SLC24A4: variants seen among roughly 807,000 people sequenced by gnomAD.
SLC24A4 encodes the protein sodium/potassium/calcium exchanger 4.
Under a neutral mutation model 79.0 loss-of-function variants are expected in SLC24A4, and 53 were observed. The ratio of observed to expected loss-of-function variants is 0.67; its 90% CI spans 0.54 to 0.84. The LOEUF (loss-of-function observed/expected upper bound fraction) is 0.84, where lower values mean the gene tolerates loss of function less well. SLC24A4 is among the 40% of genes least tolerant of loss of function. The probability of loss-of-function intolerance (pLI) is 0.00; values close to 1 mark genes in which losing one functional copy is unlikely to be tolerated. For synonymous variants in SLC24A4, 323 were observed against 323.8 expected, an observed-to-expected ratio of 1.00 and a Z score of 0.03; for missense variants, 731 against 822.0, an observed-to-expected ratio of 0.89 and a Z score of 1.35.
At chr14:92,418,316 C>T (rs1423307828) in intron 2 of SLC24A4, among the ~76,000 whole-genome samples, 4 of 152,168 alleles carry the variant, frequency 2.6e-5, no homozygotes, top group African/African-American at 9.7e-5. Flanking sequence ...TCTACGTGCT[C>T]GTCCTGCTGC....
chr14:92,444,607 C>T (rs1016389048), intron 7 of SLC24A4, among the ~76,000 whole-genome samples: 2 of 152,198 alleles, frequency 1.3e-5, no homozygotes, highest in African/African-American at 4.8e-5. Context: ...GTAATCCTAG[C>T]ACTTTGGAAG....
rs751422544 is a variant in SLC24A4 at position 92,353,183 on chromosome 14, C to G, written c.241+27205C>G. On this transcript the variant is annotated intron_variant, in intron 2 of 16. Transcript: ENST00000532405. This position sits in a 1 kb window ranked among gnomAD's most constrained non-coding sequence, Gnocchi z 4.1. Reference sequence around the variant, plus strand: ...TATGTGATGGCTCAAATATTTCAAGCTGTCATCAGGAGCATGACATACTCT... The same window carrying G: ...TATGTGATGGCTCAAATATTTCAAGGTGTCATCAGGAGCATGACATACTCT... 6.6e-6 allele frequency among the ~76,000 whole-genome samples: 1 copy of G among 152,204 alleles called. No homozygotes were observed. The highest frequency in any genetic ancestry group is 6.5e-5 in the Admixed American group (1 of 15,280).
chr14:92,493,017 C>CACACACAG lies in SLC24A4; in HGVS notation c.1717-458_1717-457insCACACAGA, dbSNP rs1347742588. 95 of 281,404 alleles carry CACACACAG rather than the reference C, an allele frequency of 3.4e-4. 2 individuals are homozygous for CACACACAG. Among genetic ancestry groups the CACACACAG allele is most frequent in the Non-Finnish European group, 4.4e-4 (64 of 143,918 alleles). 17.4% of individuals were successfully genotyped at this position (281,404 alleles called of 1,614,324 possible). The stretch of plus-strand genomic sequence containing the variant: ...ACACACACACACACACACACACACA[C>CACACACAG]AGAGAAAGATTTGCCCAGCCAGGGG... On this transcript the variant is annotated intron_variant, in intron 16 of 16. Coordinates refer to ENST00000532405, the MANE Select transcript of SLC24A4 (RefSeq NM_153646.4).
Position 92,443,416 on chromosome 14 carries a change from G to T in SLC24A4, c.599G>T (p.Trp200Leu). 6.2e-7 allele frequency: 1 copy of T among 1,614,124 alleles called. No individual in the cohort carries two copies. Among genetic ancestry groups the T allele is most frequent in the Non-Finnish European group, 8.5e-7 (1 of 1,180,006 alleles). ...LFAGQVVRLTWWAVCRDSVYY... is the reference protein window; with the variant it reads ...LFAGQVVRLTLWAVCRDSVYY... ...TGCTGGCAGGTGGTCCGTCTGACGT[G>T]GTGGGCCGTGTGCCGAGACTCCGTG... Residue 200 changes from tryptophan to leucine, a missense_variant, in exon 7 of 17, where the codon TGG (tryptophan) becomes TTG (leucine). Transcript: ENST00000532405.
At chr14:92,455,749 T>C (rs1255183897) in intron 11 of SLC24A4, among the ~76,000 whole-genome samples, 1 of 152,136 alleles carries the variant, frequency 6.6e-6, no homozygotes, top group Non-Finnish European at 1.5e-5. Flanking sequence ...AGTCTTGCTT[T>C]TGTTGCCCAG....
At chr14:92,487,827 A>G (rs1464865628) in intron 14 of SLC24A4, among the ~76,000 whole-genome samples, 3 of 152,138 alleles carry the variant, frequency 2.0e-5, no homozygotes, top group African/African-American at 7.2e-5. Flanking sequence ...TGAAGGCTCT[A>G]GGGGAGGAAC....
At chr14:92,413,586 T>G (rs925170709) in intron 2 of SLC24A4, among the ~76,000 whole-genome samples, 2 of 152,246 alleles carry the variant, frequency 1.3e-5, no homozygotes, top group Admixed American at 6.5e-5. Context: ...CTCCGTAGGT[T>G]GCAAACGTTG....
intron 9 of SLC24A4, among the ~76,000 whole-genome samples, chr14:92,447,695 A>C (rs1892881398): frequency 6.6e-6 from 1 of 152,194 alleles, no homozygotes; most frequent in African/African-American, 2.4e-5. Context: ...AGTAGCATGC[A>C]AGGGCCTCTT....
intron 2 of SLC24A4, among the ~76,000 whole-genome samples, chr14:92,427,767 C>T (rs1322830006): frequency 2.6e-5 from 4 of 152,234 alleles, no homozygotes; most frequent in Admixed American, 6.5e-5. Context: ...GAAGGAGCAG[C>T]GCTACGGTCT....
At chr14:92,406,043 G>A (rs527385845) in intron 2 of SLC24A4, among the ~76,000 whole-genome samples, 7 of 152,338 alleles carry the variant, frequency 4.6e-5, no homozygotes, top group Admixed American at 1.3e-4. Context: ...AGATACAGTG[G>A]GGGTACAGCC....
intron 2 of SLC24A4, among the ~76,000 whole-genome samples, chr14:92,358,298 A>G (rs1887293675): frequency 6.6e-6 from 1 of 152,178 alleles, no homozygotes; most frequent in South Asian, 2.1e-4. Flanking sequence ...ACCCATTTTG[A>G]AAAATGTTTA....
intron 2 of SLC24A4, among the ~76,000 whole-genome samples, chr14:92,380,777 G>A (rs1207063096): frequency 1.3e-5 from 2 of 152,252 alleles, no homozygotes; most frequent in Admixed American, 6.5e-5. Context: ...GCCAGGCTGC[G>A]TGGGGAGGCT....
chr14:92,329,294 C>T (rs1885331307), intron 2 of SLC24A4, among the ~76,000 whole-genome samples: 1 of 152,218 alleles, frequency 6.6e-6, no homozygotes, highest in African/African-American at 2.4e-5. Flanking sequence ...GTCTTTATTG[C>T]CTGTGCCTTC....
At chr14:92,430,355 C>T (rs191149436) in intron 2 of SLC24A4, among the ~76,000 whole-genome samples, 4 of 152,330 alleles carry the variant, frequency 2.6e-5, no homozygotes, top group East Asian at 3.9e-4. Context: ...GATCCCTGAA[C>T]GGGCAGCACT....
intron 2 of SLC24A4, among the ~76,000 whole-genome samples, chr14:92,358,358 T>A (rs779891988): frequency 6.6e-6 from 1 of 152,196 alleles, no homozygotes; most frequent in Non-Finnish European, 1.5e-5. Context: ...CGTGTAGGTT[T>A]GGCTGTTAGA....
chr14:92,391,773 C>T (rs1889473621), intron 2 of SLC24A4, among the ~76,000 whole-genome samples: 1 of 152,234 alleles, frequency 6.6e-6, no homozygotes, highest in South Asian at 2.1e-4. Context: ...CCCTGGGAAC[C>T]CAGCGGCCAT....
At chr14:92,350,607 C>T (rs750702051) in intron 2 of SLC24A4, among the ~76,000 whole-genome samples, 2 of 152,158 alleles carry the variant, frequency 1.3e-5, no homozygotes, top group Non-Finnish European at 2.9e-5. Context: ...ACATCTCAAA[C>T]GCCATTGATT....
chr14:92,476,157 G>A (rs934718038), intron 12 of SLC24A4, among the ~76,000 whole-genome samples: 11 of 152,216 alleles, frequency 7.2e-5, no homozygotes, highest in Non-Finnish European at 1.2e-4. Context: ...GGGCATTTAA[G>A]CATCCAGGGT....
At chr14:92,411,703 C>A (rs1890724818) in intron 2 of SLC24A4, among the ~76,000 whole-genome samples, 1 of 152,112 alleles carries the variant, frequency 6.6e-6, no homozygotes, top group Non-Finnish European at 1.5e-5. Context: ...GTGTGAGGCT[C>A]CCTAGGATTA....
Sources: allele counts gnomAD v4.1 joint callset (sites outside exome capture counted in the v4.1 genomes callset), GRCh38; gene constraint gnomAD v4.1.1; non-coding constraint Gnocchi (gnomAD v3.1); transcripts MANE v1.5; gene names NCBI Gene and HGNC (gene_info 2026-07-23, HGNC 2026-07-21).